The following DSCAM variants were observed in gnomAD, a reference collection of about 807,000 sequenced individuals.
DSCAM encodes DS cell adhesion molecule.
A neutral mutation model predicts 217.7 loss-of-function variants in DSCAM; 47 were observed. The ratio of observed to expected loss-of-function variants is 0.22; its 90% CI spans 0.17 to 0.28. The LOEUF (loss-of-function observed/expected upper bound fraction) is 0.28, where lower values mean the gene tolerates loss of function less well. Among genes scored for constraint, DSCAM ranks in the 10% least tolerant of loss-of-function variants. The pLI, the probability that DSCAM is intolerant of heterozygous loss-of-function variation, is 1.00. For missense variants in DSCAM, 2,080 were observed against 2,618.3 expected (o/e 0.79, Z 4.49); for synonymous variants, 1,056 against 1,015.3 (o/e 1.04, Z -0.76).
At chr21:40,650,253 G>A (rs1303283460) in intron 3 of DSCAM, among the ~76,000 whole-genome samples, 1 of 152,144 alleles carries the variant, frequency 6.6e-6, no homozygotes, top group African/African-American at 2.4e-5. Flanking sequence ...CATTTTGCAT[G>A]ATGTAGAGGC....
intron 9 of DSCAM, among the ~76,000 whole-genome samples, chr21:40,301,767 A>G (rs187059155): frequency 6.6e-6 from 1 of 152,370 alleles, no homozygotes; most frequent in Admixed American, 6.5e-5. Flanking sequence ...GAAAGGACAC[A>G]TGAATCAATG....
intron 3 of DSCAM, among the ~76,000 whole-genome samples, chr21:40,669,853 G>A (rs551003763): frequency 3.3e-4 from 50 of 152,066 alleles, no homozygotes; most frequent in African/African-American, 1.2e-3. Flanking sequence ...TTACAGGCAT[G>A]AGCTACTGCG....
In DSCAM at chr21:40,080,049, C is replaced by T. The variant is rs996828217; in HGVS notation, c.4420+103G>A. ...AAGCCATGTGAGGAATGACAAAGTT[C>T]AAACACATAAACGTAAAACATGATG... On this transcript the variant is annotated intron_variant, in intron 25 of 32. Transcript: ENST00000400454. 1.8e-5 allele frequency: 20 copies of T among 1,135,844 alleles called. 1 individual carries two copies. In the Admixed American group the frequency reaches 4.1e-4, roughly 23 times the overall value. 70.4% of individuals were successfully genotyped at this position (1,135,844 alleles called of 1,614,324 possible).
intron 4 of DSCAM, among the ~76,000 whole-genome samples, chr21:40,362,875 T>C (rs532100876): frequency 1.3e-5 from 2 of 152,310 alleles, no homozygotes; most frequent in Admixed American, 1.3e-4. Context: ...CACACATGTA[T>C]GTATAAAATT....
rs1601313827 is a variant in DSCAM at position 40,083,897 on chromosome 21, T to C, written c.4231+11A>G. 1 of 1,602,144 alleles carries C rather than the reference T, an allele frequency of 6.2e-7. No individual in the cohort carries two copies. Among genetic ancestry groups the C allele is most frequent in the South Asian group, 1.1e-5 (1 of 89,644 alleles). ...CTAATCAACTATTGTGGACAATCTA[T>C]ATCTTATTACCTCTGATAGAGCTGC... On this transcript the variant is annotated intron_variant, in intron 24 of 32. Coordinates refer to ENST00000400454, the MANE Select transcript of DSCAM (RefSeq NM_001389.5).
intron 11 of DSCAM, among the ~76,000 whole-genome samples, chr21:40,233,229 C>T (rs1163816582): frequency 2.0e-5 from 3 of 151,972 alleles, no homozygotes; most frequent in Admixed American, 6.6e-5. Flanking sequence ...GAGATACATA[C>T]ATAGAATAAC....
chr21:40,631,556 T>A (rs994477212), intron 3 of DSCAM, among the ~76,000 whole-genome samples: 3 of 152,164 alleles, frequency 2.0e-5, no homozygotes, highest in African/African-American at 7.2e-5. Context: ...TTGGGTCTAC[T>A]CTTTTGTCCT....
In DSCAM at chr21:40,144,622, C is replaced by T; in HGVS notation, c.3128G>A (p.Ser1043Asn). The change falls in exon 17 of 33, where the codon AGC becomes AAC. Residue 1043 changes from serine (S) to asparagine (N), a missense_variant. Coordinates refer to ENST00000400454, the MANE Select transcript of DSCAM (RefSeq NM_001389.5). The surrounding 1 kb of genome is among the most constrained non-coding windows in gnomAD (Gnocchi z 4.8). Reference sequence around the variant, plus strand: ...CAGGGTGTAAACCTCACTGTCCCCGCTGGTGTCGACACTGATAATGTTGAA... The same window carrying T: ...CAGGGTGTAAACCTCACTGTCCCCGTTGGTGTCGACACTGATAATGTTGAA... ...FQFNIISVDT[S>N]GDSEVYTLDN... 6.2e-7 allele frequency: 1 copy of T among 1,614,170 alleles called. No homozygotes were observed. The highest frequency in any genetic ancestry group is 2.2e-5 in the East Asian group (1 of 44,878).
chr21:40,092,313 G>C (rs1029974777), intron 21 of DSCAM, among the ~76,000 whole-genome samples: 2 of 152,152 alleles, frequency 1.3e-5, no homozygotes, highest in African/African-American at 2.4e-5. Flanking sequence ...AGAGAGCCCT[G>C]ACCAAAAATA....
At chr21:40,793,907 A>G (rs2091668941) in intron 1 of DSCAM, among the ~76,000 whole-genome samples, 2 of 152,254 alleles carry the variant, frequency 1.3e-5, no homozygotes, top group Admixed American at 6.5e-5. Context: ...CTACGGTTTT[A>G]ATATGAAATC....
At chr21:40,158,983 T>C (rs1322606527) in intron 16 of DSCAM, among the ~76,000 whole-genome samples, 1 of 152,214 alleles carries the variant, frequency 6.6e-6, no homozygotes. Flanking sequence ...TTAAATGTAT[T>C]TGAACTAGTG....
At chr21:40,094,027 C>T (rs1371402056) in intron 20 of DSCAM, among the ~76,000 whole-genome samples, 153 bp from the exon 21 acceptor site, 1 of 152,192 alleles carries the variant, frequency 6.6e-6, no homozygotes, top group Non-Finnish European at 1.5e-5. Context: ...TAAAATGTAA[C>T]TGGTAAGTTT....
chr21:40,397,189 G>A (rs1429635891), intron 3 of DSCAM, among the ~76,000 whole-genome samples: 2 of 152,172 alleles, frequency 1.3e-5, no homozygotes. Context: ...CATTGTCTCA[G>A]TGATATAGTT....
At chr21:40,772,599 C>G (rs924438018) in intron 1 of DSCAM, among the ~76,000 whole-genome samples, 4 of 152,216 alleles carry the variant, frequency 2.6e-5, no homozygotes, top group African/African-American at 4.8e-5. Flanking sequence ...GTTCCCTCAG[C>G]AGGAGCCCTG....
intron 11 of DSCAM, among the ~76,000 whole-genome samples, chr21:40,258,598 G>T (rs1331193347): frequency 6.6e-6 from 1 of 152,212 alleles, no homozygotes; most frequent in Non-Finnish European, 1.5e-5. Context: ...TTAAATGTCT[G>T]CTAGCCGCAA....
intron 10 of DSCAM, among the ~76,000 whole-genome samples, chr21:40,285,058 T>A (rs948307916): frequency 9.8e-5 from 15 of 152,370 alleles, no homozygotes; most frequent in Admixed American, 6.5e-4. Context: ...AGAATCCTTT[T>A]TTTTTAAATC....
At chr21:40,311,933 A>ATTTTTTTTTT (rs34579385) in intron 9 of DSCAM, 148 bp downstream of exon 9, 1 of 195,382 alleles carries the variant, frequency 5.1e-6, no homozygotes, top group Non-Finnish European at 8.7e-6. Flanking sequence ...TTAGAGTCGT[A>ATTTTTTTTTT]TTTTTTTTTT....
intron 1 of DSCAM, among the ~76,000 whole-genome samples, chr21:40,761,283 C>G (rs2091332207): frequency 6.6e-6 from 1 of 152,158 alleles, no homozygotes; most frequent in South Asian, 2.1e-4. Context: ...AGGAGAGAGT[C>G]TGTTTCCTTA....
chr21:40,393,683 C>T (rs993680052), intron 3 of DSCAM, among the ~76,000 whole-genome samples: 1 of 152,046 alleles, frequency 6.6e-6, no homozygotes, highest in African/African-American at 2.4e-5. Flanking sequence ...TGCATATATC[C>T]GTCTATGCTT....
Sources: gnomAD v4.1 joint callset for allele counts (sites outside exome capture counted in the v4.1 genomes callset) on GRCh38, gnomAD v4.1.1 for gene constraint, Gnocchi (gnomAD v3.1) non-coding constraint, MANE v1.5 for transcripts, NCBI Gene and HGNC (gene_info 2026-07-23, HGNC 2026-07-21) for gene names.